Variants in FHOD3 observed in about 807,000 individuals in gnomAD.
The protein encoded by FHOD3 is FH1/FH2 domain-containing protein 3.
In FHOD3, 90 loss-of-function variants were observed where a neutral mutation model predicts 173.0. The observed-to-expected ratio is 0.52, with a 90% confidence interval of 0.44 to 0.62. The LOEUF is 0.62. Ranked by LOEUF, FHOD3 falls within the 20% of genes least tolerant of loss-of-function variation. The pLI is 0.00. For synonymous variants in FHOD3, 828 were observed against 823.0 expected, an observed-to-expected ratio of 1.01 and a Z score of -0.10; for missense variants, 1,945 against 2,034.7, an observed-to-expected ratio of 0.96 and a Z score of 0.85.
At chr18:36,567,282 T>C (rs1337510090) in intron 5 of FHOD3, among the ~76,000 whole-genome samples, 1 of 151,730 alleles carries the variant, frequency 6.6e-6, no homozygotes, top group Non-Finnish European at 1.5e-5. Flanking sequence ...AAAAGGGAAG[T>C]AAAGAAGGGA....
chr18:36,475,715 G>T (rs775289853), intron 3 of FHOD3, among the ~76,000 whole-genome samples: 1 of 148,576 alleles, frequency 6.7e-6, no homozygotes. Flanking sequence ...TATAGAGGTG[G>T]GATTACAGGA....
chr18:36,646,735 C>CT (rs955722050), intron 10 of FHOD3, among the ~76,000 whole-genome samples: 112 of 152,168 alleles, frequency 7.4e-4, no homozygotes, highest in African/African-American at 2.6e-3. Context: ...TGAAATGAAG[C>CT]TTTTAGAAGG....
chr18:36,504,241 C>A (rs2055181695), intron 4 of FHOD3, among the ~76,000 whole-genome samples: 1 of 152,100 alleles, frequency 6.6e-6, no homozygotes, highest in African/African-American at 2.4e-5. Flanking sequence ...ACTTCTATCC[C>A]AGAATGTTTT....
At position 36,412,311 on chromosome 18, in the gene FHOD3, T is replaced by G. The variant is rs986250980; in HGVS notation, c.337+39567T>G. Among the ~76,000 whole-genome samples the G allele has an allele frequency of 3.3e-5, 5 of 152,298 alleles. No individual in the cohort carries two copies. The East Asian group carries it at 9.6e-4, about 29-fold the overall frequency. On this transcript the variant is annotated intron_variant, in intron 3 of 28. Coordinates refer to ENST00000590592, the MANE Select transcript of FHOD3 (RefSeq NM_001281740.3). ...CTTGGAGAACAATTTGAGAAAAAGC[T>G]CCTTACCAAGATAATTAAAACTACT...
chr18:36,594,135 A>G (rs1270772820), intron 6 of FHOD3, among the ~76,000 whole-genome samples: 1 of 152,172 alleles, frequency 6.6e-6, no homozygotes, highest in African/African-American at 2.4e-5. Flanking sequence ...GGTTTTCTGT[A>G]GGTGAATAAC....
At chr18:36,358,500 G>A (rs1176010885) in intron 2 of FHOD3, among the ~76,000 whole-genome samples, 2 of 152,150 alleles carry the variant, frequency 1.3e-5, no homozygotes, top group African/African-American at 4.8e-5. Flanking sequence ...ACTTGGCCAT[G>A]AGTCCATCCA....
At chr18:36,343,188 T>G (rs2045713041) in intron 1 of FHOD3, among the ~76,000 whole-genome samples, 1 of 152,192 alleles carries the variant, frequency 6.6e-6, no homozygotes, top group South Asian at 2.1e-4. Flanking sequence ...TATGTCTACA[T>G]AAAAACTTGT....
chr18:36,667,188 T>C (rs1425928360), intron 14 of FHOD3, among the ~76,000 whole-genome samples: 3 of 152,240 alleles, frequency 2.0e-5, no homozygotes, highest in Non-Finnish European at 2.9e-5. Flanking sequence ...TGTATGTACA[T>C]GTGCTTTCAT....
chr18:36,417,369 T>C (rs2049716883), intron 3 of FHOD3, among the ~76,000 whole-genome samples: 1 of 152,168 alleles, frequency 6.6e-6, no homozygotes, highest in Non-Finnish European at 1.5e-5. Flanking sequence ...GACTTCCAGC[T>C]CCTTCCATGT....
At chr18:36,448,173 G>A (rs2051607885) in intron 3 of FHOD3, among the ~76,000 whole-genome samples, 1 of 152,180 alleles carries the variant, frequency 6.6e-6, no homozygotes, top group South Asian at 2.1e-4. Flanking sequence ...GGAATTGGTA[G>A]TATTTTGAAT....
intron 19 of FHOD3, among the ~76,000 whole-genome samples, chr18:36,721,840 G>C (rs892288480): frequency 6.6e-6 from 1 of 152,102 alleles, no homozygotes; most frequent in Non-Finnish European, 1.5e-5. Context: ...TAAATAAAAT[G>C]CAACAAAAGT....
intron 20 of FHOD3, among the ~76,000 whole-genome samples, chr18:36,733,837 G>A (rs745842353): frequency 2.6e-5 from 4 of 152,138 alleles, no homozygotes; most frequent in Admixed American, 6.5e-5. Flanking sequence ...GCTCCCCAAC[G>A]TGAAGAAGAA....
At chr18:36,420,813 G>A (rs1018883901) in intron 3 of FHOD3, among the ~76,000 whole-genome samples, 2 of 152,194 alleles carry the variant, frequency 1.3e-5, no homozygotes. Flanking sequence ...GACCATGGGG[G>A]ACTGTCTGGT....
chr18:36,697,632 C>T (rs1331104728), intron 17 of FHOD3, among the ~76,000 whole-genome samples: 1 of 152,138 alleles, frequency 6.6e-6, no homozygotes, highest in Non-Finnish European at 1.5e-5. Context: ...GATTGTTTGG[C>T]CCTGGGGATA....
At chr18:36,565,325 A>G (rs921191484) in intron 5 of FHOD3, among the ~76,000 whole-genome samples, 1 of 152,182 alleles carries the variant, frequency 6.6e-6, no homozygotes, top group East Asian at 1.9e-4. Flanking sequence ...TTCCCAGAAG[A>G]TAAGGGGTGA....
intron 16 of FHOD3, among the ~76,000 whole-genome samples, chr18:36,689,543 G>A (rs1359473903): frequency 1.3e-5 from 2 of 152,218 alleles, no homozygotes; most frequent in Non-Finnish European, 2.9e-5. Context: ...CCAGGAGTAA[G>A]TTTCTGTTGA....
rs567791070 is a variant in FHOD3 at position 36,700,649 on chromosome 18, T to A, written c.2236+7226T>A. Among the ~76,000 whole-genome samples, 51 of 152,290 alleles carry A rather than the reference T, an allele frequency of 3.3e-4. 1 individual carries two copies. The South Asian group carries it at 5.4e-3, about 16-fold the overall frequency. ...CTGATAGGTTTCACTTCTTCCAGGC[T>A]CTTCTCAGCAACCCAATTTAAAAAA... On this transcript the variant is annotated intron_variant, in intron 17 of 28. Transcript: ENST00000590592.
At chr18:36,491,170 G>T (rs1352817577) in intron 3 of FHOD3, among the ~76,000 whole-genome samples, 1 of 152,184 alleles carries the variant, frequency 6.6e-6, no homozygotes, top group African/African-American at 2.4e-5. Flanking sequence ...TGCGGAAGGG[G>T]TTGTAAAGAG....
rs1331953481 is a variant in FHOD3, at chr18:36,709,325, T to A, written c.2467T>A (p.Ser823Thr). 18 of 1,614,244 alleles carry A rather than the reference T, an allele frequency of 1.1e-5. No homozygotes were observed. Among genetic ancestry groups the A allele is most frequent in the Non-Finnish European group, 1.5e-5 (18 of 1,180,042 alleles). Residue 823 changes from serine to threonine, a missense_variant, in exon 18 of 29, where the codon TCG becomes ACG. By Grantham distance (58) the Ser-to-Thr change is moderately conservative (BLOSUM62 1). Coordinates refer to ENST00000590592, the MANE Select transcript of FHOD3 (RefSeq NM_001281740.3). ...GGACAACTGCTCTGCCTCCAGCGTC[T>A]CGTCCTCCAGCAGCACGTTGGAGAG... is the stretch of plus-strand genomic sequence containing the variant. ...ERDNCSASSV[S>T]SSSSTLEREE...
Sources: gnomAD v4.1 joint callset for allele counts (sites outside exome capture counted in the v4.1 genomes callset) on GRCh38, gnomAD v4.1.1 for gene constraint, MANE v1.5 for transcripts, NCBI Gene and HGNC (gene_info 2026-07-23, HGNC 2026-07-21) for gene names.